SPOCK3: variants seen among roughly 807,000 people sequenced by gnomAD.
SPOCK3 encodes the protein SPARC (osteonectin), cwcv and kazal like domains proteoglycan 3, also known as testican-3.
In SPOCK3, 30 loss-of-function variants were observed where a neutral mutation model predicts 56.6. The ratio of observed to expected loss-of-function variants is 0.53; its 90% CI spans 0.40 to 0.72. The LOEUF (loss-of-function observed/expected upper bound fraction) is 0.72. SPOCK3 is among the 30% of genes least tolerant of loss of function. The probability of loss-of-function intolerance (pLI) is 0.00; values close to 1 mark genes in which losing one functional copy is unlikely to be tolerated. For missense variants in SPOCK3, 527 were observed against 530.0 expected (o/e 0.99, Z 0.06); for synonymous variants, 196 against 183.3 (o/e 1.07, Z -0.56).
intron 2 of SPOCK3, among the ~76,000 whole-genome samples, chr4:167,126,610 C>T (rs1762307818): frequency 7.2e-6 from 1 of 138,124 alleles, no homozygotes; most frequent in South Asian, 2.4e-4. Flanking sequence ...CTATGAATTT[C>T]CAACCCCTGC....
At chr4:167,081,664 G>A (rs1288305625) in intron 2 of SPOCK3, among the ~76,000 whole-genome samples, 1 of 151,972 alleles carries the variant, frequency 6.6e-6, no homozygotes, top group Non-Finnish European at 1.5e-5. Flanking sequence ...AATGACTAAC[G>A]ATTCAGTAGC....
chr4:166,952,200 A>T (rs1742736402), intron 4 of SPOCK3, among the ~76,000 whole-genome samples: 1 of 152,192 alleles, frequency 6.6e-6, no homozygotes, highest in South Asian at 2.1e-4. Flanking sequence ...TCTCAGCCCA[A>T]AATCTCCTTA....
intron 7 of SPOCK3, among the ~76,000 whole-genome samples, chr4:166,786,756 C>T (rs937007352): frequency 6.6e-6 from 1 of 152,152 alleles, no homozygotes; most frequent in African/African-American, 2.4e-5. Context: ...TAATCATGCT[C>T]AACAATGTTT....
intron 2 of SPOCK3, among the ~76,000 whole-genome samples, chr4:167,209,632 A>G (rs910148850): frequency 5.2e-4 from 79 of 152,254 alleles, no homozygotes; most frequent in African/African-American, 1.8e-3. Flanking sequence ...TTAAATAGCC[A>G]GATTATAAAA....
intron 2 of SPOCK3, among the ~76,000 whole-genome samples, chr4:167,159,135 T>G (rs961772404): frequency 6.6e-6 from 1 of 152,018 alleles, no homozygotes; most frequent in African/African-American, 2.4e-5. Context: ...GTAAGTTGTT[T>G]AACCTAATTA....
At chr4:167,000,661 C>T (rs987977145) in intron 3 of SPOCK3, among the ~76,000 whole-genome samples, 198 bp from the exon 4 acceptor site, 1 of 152,166 alleles carries the variant, frequency 6.6e-6, no homozygotes, top group African/African-American at 2.4e-5. Flanking sequence ...GTCTCATCCA[C>T]TCTATTCAGA....
At chr4:166,988,368 C>T (rs1419418050) in intron 4 of SPOCK3, among the ~76,000 whole-genome samples, 1 of 151,766 alleles carries the variant, frequency 6.6e-6, no homozygotes, top group Non-Finnish European at 1.5e-5. Flanking sequence ...GCTGAATTTG[C>T]CCACTGAGAA....
chr4:166,997,715 G>A (rs765835053), intron 4 of SPOCK3, among the ~76,000 whole-genome samples: 1 of 152,132 alleles, frequency 6.6e-6, no homozygotes, highest in Non-Finnish European at 1.5e-5. Context: ...TGTAAGATGC[G>A]AAGGTTGAAA....
At position 166,853,467 on chromosome 4, in the gene SPOCK3, A is replaced by T. The variant is rs151083202; in HGVS notation, c.589+35663T>A. 3.1e-3 allele frequency among the ~76,000 whole-genome samples: 475 copies of T among 152,330 alleles called. 1 individual carries two copies. The highest frequency in any genetic ancestry group is 0.011 in the African/African-American group (459 of 41,576). ...CATATTTTCTTTTGAAACTGAAACAACTATTCAAGGTCACAATAACACCTT... is the reference window on the plus strand; with the variant it reads ...CATATTTTCTTTTGAAACTGAAACATCTATTCAAGGTCACAATAACACCTT... On this transcript the variant is annotated intron_variant, in intron 6 of 10. Coordinates refer to ENST00000357545, the MANE Select transcript of SPOCK3 (RefSeq NM_001040159.2).
chr4:166,849,358 C>T (rs182019662), intron 6 of SPOCK3, among the ~76,000 whole-genome samples: 5 of 151,776 alleles, frequency 3.3e-5, no homozygotes, highest in Non-Finnish European at 5.9e-5. Context: ...TCATTCTGTA[C>T]TATAGTGGAT....
At chr4:166,987,290 A>ATATC (rs1342498822) in intron 4 of SPOCK3, among the ~76,000 whole-genome samples, 1 of 152,098 alleles carries the variant, frequency 6.6e-6, no homozygotes, top group Non-Finnish European at 1.5e-5. Flanking sequence ...CTCTTGCCTG[A>ATATC]TATCTGAAAA....
At chr4:167,069,706 T>C (rs1756495916) in intron 2 of SPOCK3, among the ~76,000 whole-genome samples, 1 of 151,936 alleles carries the variant, frequency 6.6e-6, no homozygotes, top group African/African-American at 2.4e-5. Flanking sequence ...TCACAGGATT[T>C]TGCTGTAATT....
chr4:166,791,777 C>T (rs941015130), intron 7 of SPOCK3, among the ~76,000 whole-genome samples: 2 of 152,054 alleles, frequency 1.3e-5, no homozygotes, highest in Non-Finnish European at 2.9e-5. Flanking sequence ...AATAGAGACA[C>T]CAGCAAAGTA....
intron 2 of SPOCK3, among the ~76,000 whole-genome samples, chr4:167,139,231 T>C (rs943176181): frequency 3.3e-5 from 5 of 152,048 alleles, no homozygotes; most frequent in Non-Finnish European, 5.9e-5. Context: ...AAATGTGATA[T>C]ATAACTGCAT....
intron 3 of SPOCK3, among the ~76,000 whole-genome samples, chr4:167,011,919 T>A (rs1293609107): frequency 6.6e-6 from 1 of 152,072 alleles, no homozygotes; most frequent in Non-Finnish European, 1.5e-5. Flanking sequence ...AATCCTCTTA[T>A]TGTTTTATTT....
intron 2 of SPOCK3, among the ~76,000 whole-genome samples, chr4:167,114,509 C>T (rs1761168785): frequency 6.6e-6 from 1 of 152,044 alleles, no homozygotes; most frequent in South Asian, 2.1e-4. Context: ...CGTGTCTCCT[C>T]TAATTCTCAC....
At chr4:166,862,086 T>C (rs1048300744) in intron 6 of SPOCK3, among the ~76,000 whole-genome samples, 6 of 152,130 alleles carry the variant, frequency 3.9e-5, no homozygotes, top group African/African-American at 1.2e-4. Flanking sequence ...GTTGGCTGTA[T>C]TTTTTAGCAC....
At chr4:167,171,492 T>C (rs895129392) in intron 2 of SPOCK3, among the ~76,000 whole-genome samples, 3 of 152,182 alleles carry the variant, frequency 2.0e-5, no homozygotes, top group African/African-American at 4.8e-5. Context: ...AATCAATTGC[T>C]TAATCAGGCC....
At chr4:166,823,137 A>G (rs2126767519) in intron 6 of SPOCK3, among the ~76,000 whole-genome samples, 1 of 152,130 alleles carries the variant, frequency 6.6e-6, no homozygotes, top group Admixed American at 6.6e-5. Flanking sequence ...CACATTTAAA[A>G]CCTTCATTGT....
Sources: allele counts gnomAD v4.1 joint callset (sites outside exome capture counted in the v4.1 genomes callset), GRCh38; gene constraint gnomAD v4.1.1; transcripts MANE v1.5; gene names NCBI Gene and HGNC (gene_info 2026-07-23, HGNC 2026-07-21).